Variants in FMN2 observed in about 807,000 individuals in gnomAD.
FMN2 encodes formin 2.
FMN2 carries 51 observed loss-of-function variants against 142.3 expected under a neutral mutation model. The ratio of observed to expected loss-of-function variants is 0.36; its 90% CI spans 0.29 to 0.45. The LOEUF (loss-of-function observed/expected upper bound fraction) is 0.45, where lower values mean the gene tolerates loss of function less well. FMN2 is among the 20% of genes least tolerant of loss of function. The pLI is 1.00. For synonymous variants in FMN2, 882 were observed against 869.8 expected (o/e 1.01, Z -0.25); for missense variants, 1,936 against 2,122.8 (o/e 0.91, Z 1.73).
intron 15 of FMN2, among the ~76,000 whole-genome samples, chr1:240,397,504 G>A (rs1112172): frequency 0.34 from 50,959 of 151,788 alleles, 8,869 homozygotes; most frequent in East Asian, 0.6. Flanking sequence ...GGCCAGGCAC[G>A]GTGGCTCATG....
intron 7 of FMN2, among the ~76,000 whole-genome samples, chr1:240,264,605 C>T (rs1244831428): frequency 6.6e-6 from 1 of 152,096 alleles, no homozygotes; most frequent in Non-Finnish European, 1.5e-5. Context: ...TTGTTCAACT[C>T]CCACTTATGA....
chr1:240,335,015 A>C (rs945740553), intron 13 of FMN2, among the ~76,000 whole-genome samples: 2 of 152,230 alleles, frequency 1.3e-5, no homozygotes, highest in African/African-American at 4.8e-5. Context: ...AGAACTTTTT[A>C]AGAGACTCCC....
intron 1 of FMN2, among the ~76,000 whole-genome samples, chr1:240,106,068 AT>A (rs1250361957): frequency 6.6e-6 from 1 of 152,146 alleles, no homozygotes; most frequent in East Asian, 1.9e-4. Context: ...ATTAATAAAA[AT>A]CTCACTAATT....
At chr1:240,346,600 C>T (rs1671916920) in intron 13 of FMN2, among the ~76,000 whole-genome samples, 1 of 152,148 alleles carries the variant, frequency 6.6e-6, no homozygotes. Context: ...TGGCTATGTT[C>T]TGCTTCTTAA....
chr1:240,293,931 G>T (rs1353478896), intron 7 of FMN2, among the ~76,000 whole-genome samples: 2 of 152,146 alleles, frequency 1.3e-5, no homozygotes, highest in African/African-American at 4.8e-5. Flanking sequence ...AACTTTGAGA[G>T]AAGAGACATT....
intron 8 of FMN2, among the ~76,000 whole-genome samples, chr1:240,321,099 T>C (rs1256632544): frequency 6.6e-6 from 1 of 152,198 alleles, no homozygotes; most frequent in Non-Finnish European, 1.5e-5. Context: ...GCAAAGTATG[T>C]CGTTATTTTG....
chr1:240,198,982 G>T (rs1666029840), intron 4 of FMN2, among the ~76,000 whole-genome samples: 1 of 152,116 alleles, frequency 6.6e-6, no homozygotes, highest in Non-Finnish European at 1.5e-5. Context: ...GCTTGTGCCT[G>T]TAGTCCCAGC....
intron 5 of FMN2, among the ~76,000 whole-genome samples, chr1:240,208,951 A>G (rs1316697475): frequency 6.6e-6 from 1 of 152,208 alleles, no homozygotes; most frequent in African/African-American, 2.4e-5. Flanking sequence ...TATACGTATC[A>G]ATGTATAAGA....
chr1:240,201,812 A>G (rs1176585590), intron 4 of FMN2, among the ~76,000 whole-genome samples: 2 of 152,200 alleles, frequency 1.3e-5, no homozygotes. Context: ...GGAACTGGAA[A>G]CTATGCTAGG....
intron 13 of FMN2, among the ~76,000 whole-genome samples, chr1:240,338,466 C>G (rs888350282): frequency 2.0e-5 from 3 of 152,034 alleles, no homozygotes; most frequent in African/African-American, 7.2e-5. Context: ...TTTTACTTTC[C>G]TTGGTTTCAG....
At chr1:240,240,071 G>A (rs562958795) in intron 6 of FMN2, among the ~76,000 whole-genome samples, 31 of 152,162 alleles carry the variant, frequency 2.0e-4, no homozygotes, top group Non-Finnish European at 2.5e-4. Context: ...TTTATGTTCC[G>A]TCTGCCCATA....
intron 8 of FMN2, among the ~76,000 whole-genome samples, chr1:240,328,257 C>T (rs1243863885): frequency 6.8e-6 from 1 of 148,054 alleles, no homozygotes; most frequent in Non-Finnish European, 1.5e-5. Context: ...CCCCCAAGTA[C>T]AAAAATCAAT....
chr1:240,219,596 A>C (rs1303139796), intron 6 of FMN2, among the ~76,000 whole-genome samples: 1 of 152,182 alleles, frequency 6.6e-6, no homozygotes, highest in African/African-American at 2.4e-5. Flanking sequence ...ATAAATGGAA[A>C]ATAAACTGTT....
intron 16 of FMN2, among the ~76,000 whole-genome samples, chr1:240,452,060 A>G (rs555728935): frequency 3.5e-4 from 53 of 152,022 alleles, no homozygotes; most frequent in East Asian, 2.5e-3. Flanking sequence ...GTGTGGTGGC[A>G]CTCACCTGTA....
intron 3 of FMN2, among the ~76,000 whole-genome samples, chr1:240,180,872 C>T (rs1439140665): frequency 6.7e-6 from 1 of 150,228 alleles, no homozygotes; most frequent in Non-Finnish European, 1.5e-5. Context: ...CGGGTGACCC[C>T]TTTCTATTTT....
At chr1:240,440,470 T>G (rs1279953563) in intron 16 of FMN2, among the ~76,000 whole-genome samples, 2 of 151,612 alleles carry the variant, frequency 1.3e-5, no homozygotes, top group Non-Finnish European at 2.9e-5. Context: ...ACTCTCTAAG[T>G]ATCTCATAAA....
At chr1:240,447,461 C>T (rs1403285499) in intron 16 of FMN2, among the ~76,000 whole-genome samples, 1 of 152,108 alleles carries the variant, frequency 6.6e-6, no homozygotes, top group African/African-American at 2.4e-5. Context: ...TGTTAGTCCT[C>T]AGGGAAATGC....
At chr1:240,313,770 C>G (rs1670670723) in intron 8 of FMN2, among the ~76,000 whole-genome samples, 1 of 152,088 alleles carries the variant, frequency 6.6e-6, no homozygotes, top group African/African-American at 2.4e-5. Context: ...GAGTTCGAAA[C>G]CAGCCTGGCC....
At chr1:240,355,955 A>C (rs1672255215) in intron 14 of FMN2, 47 bp downstream of exon 14, 1 of 188,398 alleles carries the variant, frequency 5.3e-6, no homozygotes, top group Non-Finnish European at 7.6e-6. Context: ...TTTCAGCAAA[A>C]AAAAAAAAAA....
Sources: allele counts gnomAD v4.1 joint callset (sites outside exome capture counted in the v4.1 genomes callset), GRCh38; gene constraint gnomAD v4.1.1; transcripts MANE v1.5; gene names NCBI Gene and HGNC (gene_info 2026-07-23, HGNC 2026-07-21).